Variants in GON4L observed in about 807,000 individuals in gnomAD.
GON4L encodes the protein GON-4-like protein.
In GON4L, 87 loss-of-function variants were observed where a neutral mutation model predicts 211.8. That is an observed-to-expected ratio of 0.41 (90% CI 0.35 to 0.49). The LOEUF (loss-of-function observed/expected upper bound fraction) is 0.49. Ranked by LOEUF, GON4L falls within the 20% of genes least tolerant of loss-of-function variation. The pLI, the probability that GON4L is intolerant of heterozygous loss-of-function variation, is 0.15. For synonymous variants in GON4L, 875 were observed against 962.6 expected, an observed-to-expected ratio of 0.91 and a Z score of 1.68; for missense variants, 2,155 against 2,659.5, an observed-to-expected ratio of 0.81 and a Z score of 4.17.
intron 2 of GON4L, among the ~76,000 whole-genome samples, chr1:155,844,779 C>T (rs915769011): frequency 5.3e-5 from 8 of 151,948 alleles, no homozygotes; most frequent in Non-Finnish European, 1.5e-5. Context: ...AAAATAACAA[C>T]AACAAAAAAA....
chr1:155,800,565 T>C (rs957791725), intron 11 of GON4L, among the ~76,000 whole-genome samples: 6 of 150,308 alleles, frequency 4.0e-5, no homozygotes, highest in African/African-American at 1.5e-4. Flanking sequence ...CAAAAAAAAA[T>C]GGTTTAGGCC....
chr1:155,829,981 C>T lies in GON4L; in HGVS notation c.506-2953G>A, dbSNP rs184454377. 5.4e-4 allele frequency among the ~76,000 whole-genome samples: 82 copies of T among 151,136 alleles called. 1 individual carries two copies. In the East Asian group the frequency reaches 0.014, roughly 27 times the overall value. On this transcript the variant is annotated intron_variant, in intron 2 of 31. Transcript: ENST00000368331. Reference sequence around the variant, plus strand: ...TTTTTTTTTTTTCCAGACAGAGTCTCGCTCTGTGGGCCAGGCTGGAGTACG... The same window carrying T: ...TTTTTTTTTTTTCCAGACAGAGTCTTGCTCTGTGGGCCAGGCTGGAGTACG...
intron 10 of GON4L, among the ~76,000 whole-genome samples, chr1:155,806,965 T>C (rs1667186725): frequency 6.6e-6 from 1 of 151,686 alleles, no homozygotes; most frequent in African/African-American, 2.4e-5. Flanking sequence ...TTGCGTGTGG[T>C]GGCACCAATT....
chr1:155,808,240 T>C (rs1473894161), intron 10 of GON4L, among the ~76,000 whole-genome samples: 1 of 152,074 alleles, frequency 6.6e-6, no homozygotes, highest in African/African-American at 2.4e-5. Flanking sequence ...GGTTTTACCA[T>C]GTTGGCCAGG....
In GON4L at chr1:155,766,328, A is replaced by C; in HGVS notation, c.3145T>G (p.Leu1049Val). The change falls in exon 21 of 32, where the codon TTA becomes GTA. Residue 1049 changes from leucine to valine, a missense_variant. Leu to Val is a conservative substitution (Grantham distance 32, BLOSUM62 1). Around this residue, in one of 6 missense-constraint regions of GON4L, gnomAD observed 615 missense variants for 625.7 expected, o/e 0.98. Coordinates refer to ENST00000368331, the MANE Select transcript of GON4L (RefSeq NM_001282860.2). ...GGAGGGACACCTGGAACTGTCTGTA[A>C]AACAGTGGCTGGCTGTATTGGGTGA... ...IPHPIQPATV[L>V]QTVPGVPPLG... 1 of 1,614,114 alleles carries C rather than the reference A, an allele frequency of 6.2e-7. No individual in the cohort carries two copies.
chr1:155,820,296 T>C (rs1668618220), intron 6 of GON4L, among the ~76,000 whole-genome samples: 1 of 152,200 alleles, frequency 6.6e-6, no homozygotes, highest in Non-Finnish European at 1.5e-5. Context: ...GAACACACTA[T>C]GAAAAATACT....
intron 2 of GON4L, among the ~76,000 whole-genome samples, chr1:155,850,891 T>C (rs1439664302): frequency 1.5e-5 from 2 of 131,548 alleles, no homozygotes; most frequent in South Asian, 2.4e-4. Flanking sequence ...TCAACTAAAA[T>C]ACAAAAAAAA....
intron 27 of GON4L, 45 bp downstream of exon 27, chr1:155,756,913 A>T (rs1015422209): frequency 1.4e-6 from 2 of 1,471,124 alleles, no homozygotes; most frequent in Non-Finnish European, 1.9e-6. Context: ...TGGGTGACAG[A>T]GCGAGATTCT....
intron 23 of GON4L, among the ~76,000 whole-genome samples, chr1:155,761,175 G>GTTTTTTTTTT (rs921323729): frequency 9.1e-6 from 1 of 109,540 alleles, no homozygotes. Context: ...CTTATGTGTG[G>GTTTTTTTTTT]TTTTTTTTTT....
intron 23 of GON4L, among the ~76,000 whole-genome samples, chr1:155,761,049 A>G (rs368782483): frequency 1.3e-5 from 2 of 152,272 alleles, no homozygotes; most frequent in South Asian, 4.1e-4. Flanking sequence ...ACATTAGGAG[A>G]TAAGAAAAAG....
At chr1:155,777,942 A>C in intron 14 of GON4L, 122 bp from the exon 15 acceptor site, 1 of 718,188 alleles carries the variant, frequency 1.4e-6, no homozygotes, top group Non-Finnish European at 2.5e-6. Context: ...CCCCCATCTC[A>C]CTTTAGCCAA....
intron 2 of GON4L, among the ~76,000 whole-genome samples, chr1:155,850,967 T>C (rs1671715832): frequency 1.4e-5 from 2 of 147,918 alleles, no homozygotes; most frequent in South Asian, 2.1e-4. Context: ...TGAGGCAGAA[T>C]TGCTTGAACC....
intron 8 of GON4L, among the ~76,000 whole-genome samples, 194 bp from the exon 9 acceptor site, chr1:155,814,643 G>A (rs1668081227): frequency 6.6e-6 from 1 of 151,956 alleles, no homozygotes; most frequent in Admixed American, 6.6e-5. Flanking sequence ...CTACTCGGGA[G>A]GCTGAGGCAG....
At chr1:155,774,070 C>T (rs1663500700) in intron 17 of GON4L, among the ~76,000 whole-genome samples, 1 of 152,132 alleles carries the variant, frequency 6.6e-6, no homozygotes, top group Admixed American at 6.6e-5. Context: ...CAAACCACAA[C>T]TAATTTGCTA....
At chr1:155,837,468 CTTT>C (rs1670415360) in intron 2 of GON4L, among the ~76,000 whole-genome samples, 1 of 152,146 alleles carries the variant, frequency 6.6e-6, no homozygotes, top group Non-Finnish European at 1.5e-5. Context: ...TTTCAGTCTT[CTTT>C]TATTATACTT....
intron 2 of GON4L, among the ~76,000 whole-genome samples, chr1:155,852,317 A>C (rs1329837908): frequency 2.0e-5 from 3 of 152,174 alleles, no homozygotes; most frequent in African/African-American, 7.2e-5. Context: ...TTCAAATTGG[A>C]AGGGTCATTC....
intron 29 of GON4L, 118 bp from the exon 30 acceptor site, chr1:155,752,708 G>A: frequency 6.8e-7 from 1 of 1,480,988 alleles, no homozygotes; most frequent in Non-Finnish European, 9.2e-7. Flanking sequence ...GGCTGGGCAT[G>A]GTGGCTCACA....
At position 155,785,343 on chromosome 1, in the gene GON4L, C is replaced by T. The variant is rs769786454; in HGVS notation, c.1779G>A (p.Leu593=). 2.5e-6 allele frequency: 4 copies of T among 1,593,942 alleles called. No individual in the cohort carries two copies. In the East Asian group the frequency reaches 8.9e-5, roughly 36 times the overall value. ...KKEVNELMEE[L]FETFQDEMGF... ...GAGGATCATTACTCACAGTTTCAAA[C>T]AGCTCTTCCATCAGCTCATTTACTT... The change falls in exon 13 of 32, where the codon CTG becomes CTA. Residue 593 remains leucine, a synonymous_variant. Coordinates refer to ENST00000368331, the MANE Select transcript of GON4L (RefSeq NM_001282860.2).
chr1:155,746,000 C>T, downstream of GON4L: 1 of 809,682 alleles, frequency 1.2e-6, no homozygotes, highest in Non-Finnish European at 1.9e-6. Context: ...TCTCTGCTTC[C>T]CCAGGATGCT....
Sources: allele counts gnomAD v4.1 joint callset (sites outside exome capture counted in the v4.1 genomes callset), GRCh38; gene constraint gnomAD v4.1.1; regional missense constraint gnomAD v4.1.1; transcripts MANE v1.5; gene names NCBI Gene and HGNC (gene_info 2026-07-23, HGNC 2026-07-21).